PTPRO: variants seen among roughly 807,000 people sequenced by gnomAD.
The protein encoded by PTPRO is receptor-type tyrosine-protein phosphatase O.
A neutral mutation model predicts 145.2 loss-of-function variants in PTPRO; 62 were observed. That is an observed-to-expected ratio of 0.43 (90% CI 0.35 to 0.53). The LOEUF (loss-of-function observed/expected upper bound fraction) is 0.53, where lower values mean the gene tolerates loss of function less well. PTPRO is among the 20% of genes least tolerant of loss of function. PTPRO has a pLI of 0.01. For missense variants in PTPRO, 1,345 were observed against 1,482.7 expected (o/e 0.91, Z 1.53); for synonymous variants, 565 against 514.7 (o/e 1.10, Z -1.32).
At chr12:15,549,418 T>A (rs1483316634) in intron 14 of PTPRO, among the ~76,000 whole-genome samples, 192 bp downstream of exon 14, 1 of 152,168 alleles carries the variant, frequency 6.6e-6, no homozygotes, top group Non-Finnish European at 1.5e-5. Context: ...TTCTTTCATC[T>A]GTAAAATTGG....
At chr12:15,491,273 G>A (rs1565661196) in intron 2 of PTPRO, among the ~76,000 whole-genome samples, 2 of 152,186 alleles carry the variant, frequency 1.3e-5, no homozygotes, top group Admixed American at 1.3e-4. Flanking sequence ...AGAGGTTACT[G>A]AACATGAACA....
chr12:15,364,113 C>T (rs934066330), intron 1 of PTPRO, among the ~76,000 whole-genome samples: 1 of 151,942 alleles, frequency 6.6e-6, no homozygotes, highest in African/African-American at 2.4e-5. Flanking sequence ...GAAAATAGGA[C>T]CTATGTAAAA....
intron 24 of PTPRO, among the ~76,000 whole-genome samples, chr12:15,587,643 A>C (rs962789911): frequency 4.6e-5 from 7 of 152,266 alleles, no homozygotes; most frequent in African/African-American, 1.7e-4. Context: ...ATCAAGGTCC[A>C]CACTAATTCC....
At chr12:15,489,216 A>G (rs1458750047) in intron 2 of PTPRO, among the ~76,000 whole-genome samples, 1 of 152,190 alleles carries the variant, frequency 6.6e-6, no homozygotes, top group Non-Finnish European at 1.5e-5. Context: ...GATAACTGCT[A>G]TTGTAACCAG....
chr12:15,527,061 TTTATAAATGGCA>T (rs1291101559), intron 12 of PTPRO, among the ~76,000 whole-genome samples: 1 of 151,798 alleles, frequency 6.6e-6, no homozygotes, highest in Non-Finnish European at 1.5e-5. Flanking sequence ...ACACCAAAAG[TTTATAAATGGCA>T]GCATAGAAGC....
chr12:15,335,304 A>C (rs1460909127), intron 1 of PTPRO, among the ~76,000 whole-genome samples: 1 of 152,102 alleles, frequency 6.6e-6, no homozygotes, highest in Admixed American at 6.5e-5. Flanking sequence ...GATAAATAGT[A>C]AAAGACCGAG....
intron 8 of PTPRO, 85 bp from the exon 9 acceptor site, chr12:15,516,678 C>G: frequency 8.3e-7 from 1 of 1,207,372 alleles, no homozygotes; most frequent in Non-Finnish European, 1.2e-6. Context: ...AGTGAAAACT[C>G]GGGTCATTAA....
intron 1 of PTPRO, among the ~76,000 whole-genome samples, chr12:15,360,589 G>A (rs1423577316): frequency 6.6e-6 from 1 of 151,546 alleles, no homozygotes; most frequent in Non-Finnish European, 1.5e-5. Flanking sequence ...GTCTGTGATT[G>A]ATTTAGTATC....
chr12:15,447,187 G>A (rs143310935), intron 1 of PTPRO, among the ~76,000 whole-genome samples: 2 of 152,100 alleles, frequency 1.3e-5, no homozygotes, highest in Non-Finnish European at 2.9e-5. Context: ...AAGTGAAATA[G>A]AATAACAACA....
chr12:15,508,467 C>A, intron 6 of PTPRO, 104 bp from the exon 7 acceptor site: 2 of 1,226,562 alleles, frequency 1.6e-6, no homozygotes, highest in Non-Finnish European at 2.3e-6. Context: ...TTCTTTGAAT[C>A]TCATTGTAAG....
At chr12:15,443,971 C>G (rs1940836859) in intron 1 of PTPRO, among the ~76,000 whole-genome samples, 1 of 149,854 alleles carries the variant, frequency 6.7e-6, no homozygotes, top group East Asian at 2.0e-4. Context: ...TTTGACCATG[C>G]AGTCTCATTA....
chr12:15,530,213 C>A (rs1280578408), intron 12 of PTPRO, among the ~76,000 whole-genome samples: 1 of 152,158 alleles, frequency 6.6e-6, no homozygotes, highest in Non-Finnish European at 1.5e-5. Flanking sequence ...AACACTGGAG[C>A]TCCTAAGTAA....
At chr12:15,479,773 A>G (rs975917803) in intron 1 of PTPRO, among the ~76,000 whole-genome samples, 4 of 152,194 alleles carry the variant, frequency 2.6e-5, no homozygotes, top group Admixed American at 2.6e-4. Context: ...TTCAGGAGGC[A>G]GGGAGGTAGG....
intron 11 of PTPRO, 145 bp from the exon 12 acceptor site, chr12:15,525,997 A>T: frequency 1.3e-5 from 14 of 1,089,018 alleles, no homozygotes; most frequent in Non-Finnish European, 1.9e-5. Context: ...TTTTCAGAAG[A>T]TATAACGTAT....
At chr12:15,496,955 A>G (rs1402223038) in intron 2 of PTPRO, among the ~76,000 whole-genome samples, 1 of 152,188 alleles carries the variant, frequency 6.6e-6, no homozygotes, top group East Asian at 1.9e-4. Flanking sequence ...CATTATATTT[A>G]TAGGTGGGAT....
At chr12:15,530,068 G>C (rs1225768855) in intron 12 of PTPRO, among the ~76,000 whole-genome samples, 1 of 152,152 alleles carries the variant, frequency 6.6e-6, no homozygotes, top group Non-Finnish European at 1.5e-5. Context: ...CAAAAAAGCA[G>C]ATGTAGCTAT....
At chr12:15,452,273 A>C (rs1359040036) in intron 1 of PTPRO, among the ~76,000 whole-genome samples, 1 of 152,192 alleles carries the variant, frequency 6.6e-6, no homozygotes, top group African/African-American at 2.4e-5. Context: ...GGAAATATAC[A>C]ACCCTCCTAG....
intron 2 of PTPRO, among the ~76,000 whole-genome samples, chr12:15,488,754 T>G (rs1941941562): frequency 6.6e-6 from 1 of 152,184 alleles, no homozygotes; most frequent in African/African-American, 2.4e-5. Context: ...AGAATAAATT[T>G]GGCACAGCAG....
chr12:15,494,346 G>A (rs1469608197), intron 2 of PTPRO, among the ~76,000 whole-genome samples: 5 of 152,190 alleles, frequency 3.3e-5, no homozygotes, highest in Admixed American at 6.5e-5. Context: ...GTGACTGACA[G>A]GGCAAGGACT....
Sources: allele counts gnomAD v4.1 joint callset (sites outside exome capture counted in the v4.1 genomes callset), GRCh38; gene constraint gnomAD v4.1.1; transcripts MANE v1.5; gene names NCBI Gene and HGNC (gene_info 2026-07-23, HGNC 2026-07-21).